ITGA9: variants seen among roughly 807,000 people sequenced by gnomAD.
The protein encoded by ITGA9 is integrin subunit alpha 9, also known as integrin alpha-9.
Under a neutral mutation model 127.8 loss-of-function variants are expected in ITGA9, and 56 were observed. The observed-to-expected ratio is 0.44, with a 90% CI of 0.35 to 0.55. The LOEUF (loss-of-function observed/expected upper bound fraction) is 0.55, where lower values mean the gene tolerates loss of function less well. Ranked by LOEUF, ITGA9 falls within the 20% of genes least tolerant of loss-of-function variation. The probability of loss-of-function intolerance (pLI) is 0.00; values close to 1 mark genes in which losing one functional copy is unlikely to be tolerated. For missense variants in ITGA9, 1,196 were observed against 1,347.1 expected (o/e 0.89, Z 1.76); for synonymous variants, 508 against 514.5 (o/e 0.99, Z 0.17).
At chr3:37,676,939 G>A (rs1193785804) in intron 17 of ITGA9, among the ~76,000 whole-genome samples, 1 of 152,094 alleles carries the variant, frequency 6.6e-6, no homozygotes, top group Non-Finnish European at 1.5e-5. Flanking sequence ...CCATCAATAG[G>A]CAGAGCATTT....
intron 15 of ITGA9, among the ~76,000 whole-genome samples, chr3:37,562,165 T>C (rs1303423991): frequency 2.0e-5 from 3 of 152,168 alleles, no homozygotes; most frequent in Non-Finnish European, 4.4e-5. Flanking sequence ...CTCTGCTGTG[T>C]CCGGCAGCCC....
intron 15 of ITGA9, among the ~76,000 whole-genome samples, chr3:37,618,810 A>G (rs1424032466): frequency 1.3e-5 from 2 of 152,218 alleles, no homozygotes; most frequent in Non-Finnish European, 2.9e-5. Flanking sequence ...GACTGTTGGA[A>G]AAGCGCAGTA....
chr3:37,546,201 C>T (rs967042608), intron 15 of ITGA9, among the ~76,000 whole-genome samples: 5 of 152,090 alleles, frequency 3.3e-5, no homozygotes, highest in Non-Finnish European at 7.4e-5. Flanking sequence ...CAACAGTGTC[C>T]TAGAATTCTA....
intron 15 of ITGA9, among the ~76,000 whole-genome samples, chr3:37,585,340 A>G (rs903066574): frequency 8.5e-5 from 13 of 152,138 alleles, no homozygotes; most frequent in African/African-American, 3.1e-4. Flanking sequence ...CCTCTACATC[A>G]CTAAATGGTC....
intron 18 of ITGA9, among the ~76,000 whole-genome samples, chr3:37,714,113 G>T (rs1282960413): frequency 6.6e-6 from 1 of 152,194 alleles, no homozygotes; most frequent in Non-Finnish European, 1.5e-5. Flanking sequence ...AACTGGGTTG[G>T]AATCCCAGTT....
intron 2 of ITGA9, 89 bp downstream of exon 2, chr3:37,471,223 C>T (rs1368419886): frequency 2.1e-6 from 3 of 1,433,134 alleles, no homozygotes; most frequent in Non-Finnish European, 2.9e-6. Flanking sequence ...ATCATTCACT[C>T]ACCCATCCAT....
At chr3:37,600,244 A>G (rs1360248654) in intron 15 of ITGA9, among the ~76,000 whole-genome samples, 2 of 152,194 alleles carry the variant, frequency 1.3e-5, no homozygotes, top group Admixed American at 1.3e-4. Context: ...GATACAGAGG[A>G]ATAAGGAATT....
intron 18 of ITGA9, among the ~76,000 whole-genome samples, chr3:37,719,463 C>T (rs552109408): frequency 6.6e-6 from 1 of 152,300 alleles, no homozygotes; most frequent in Admixed American, 6.5e-5. Flanking sequence ...CTGCCCCTGG[C>T]CTCTGTTCTC....
intron 17 of ITGA9, among the ~76,000 whole-genome samples, chr3:37,654,347 G>A (rs1048394862): frequency 6.6e-5 from 10 of 152,060 alleles, no homozygotes; most frequent in African/African-American, 2.4e-4. Context: ...GTTTCCTCCC[G>A]CACTGCATGA....
intron 16 of ITGA9, among the ~76,000 whole-genome samples, chr3:37,633,171 A>G (rs558689512): frequency 6.6e-6 from 1 of 152,370 alleles, no homozygotes; most frequent in East Asian, 1.9e-4. Flanking sequence ...CAATAGAATG[A>G]TGAGCAAGTG....
In ITGA9 at chr3:37,519,248, T is replaced by G. The variant is rs1483821792; in HGVS notation, c.1142-12T>G. 1 of 1,611,766 alleles carries G rather than the reference T, an allele frequency of 6.2e-7. No individual in the cohort carries two copies. The highest frequency in any genetic ancestry group is 8.5e-7 in the Non-Finnish European group (1 of 1,178,104). The stretch of plus-strand genomic sequence containing the variant: ...GTGGCTTTTTAACCCATAGCTGTTT[T>G]TTTACCCTCAGATGTGGCCATTGGT... On this transcript the variant is annotated splice_polypyrimidine_tract_variant and intron_variant, in intron 10 of 27. Transcript: ENST00000264741.
intron 17 of ITGA9, among the ~76,000 whole-genome samples, chr3:37,658,941 A>G (rs981763602): frequency 4.6e-5 from 7 of 152,176 alleles, no homozygotes; most frequent in African/African-American, 1.7e-4. Context: ...TCGCTTATGA[A>G]GCTTAGTTTG....
In ITGA9 at chr3:37,820,647, G is replaced by A. The variant is rs1697502763; in HGVS notation, c.*1658G>A. ...ATGCTCAGCACTGACCTGGCCCATA[G>A]TGATCACTCAATAACTGTTAACAGC... On this transcript the variant is annotated 3_prime_UTR_variant, in exon 28 of 28. Coordinates refer to ENST00000264741, the MANE Select transcript of ITGA9 (RefSeq NM_002207.3). 6.6e-6 allele frequency: 1 copy of A among 152,242 alleles called. No individual in the cohort carries two copies. The allele number at this position is 152,242 out of a possible 1,614,324, so 9.4% of individuals were successfully genotyped here.
At chr3:37,734,496 TTTTG>T (rs1696334683) in intron 19 of ITGA9, among the ~76,000 whole-genome samples, 1 of 152,144 alleles carries the variant, frequency 6.6e-6, no homozygotes, top group Non-Finnish European at 1.5e-5. Flanking sequence ...TTTGTCAAAT[TTTTG>T]TTTGTTTGAG....
chr3:37,687,707 T>C (rs532400565), intron 18 of ITGA9, among the ~76,000 whole-genome samples: 1 of 152,338 alleles, frequency 6.6e-6, no homozygotes, highest in East Asian at 1.9e-4. Context: ...AATTTTAAAT[T>C]CAACACACAG....
intron 17 of ITGA9, among the ~76,000 whole-genome samples, chr3:37,674,005 C>A (rs529037091): frequency 3.3e-5 from 5 of 152,320 alleles, no homozygotes; most frequent in African/African-American, 7.2e-5. Context: ...ATGGCCTTAG[C>A]CTTCATAATA....
chr3:37,708,131 T>A (rs1167866060), intron 18 of ITGA9, among the ~76,000 whole-genome samples: 1 of 152,202 alleles, frequency 6.6e-6, no homozygotes, highest in Non-Finnish European at 1.5e-5. Flanking sequence ...GCTCGGCTGT[T>A]CTTGGCCAAC....
intron 15 of ITGA9, among the ~76,000 whole-genome samples, chr3:37,571,998 C>G (rs1699606523): frequency 6.6e-6 from 1 of 151,916 alleles, no homozygotes; most frequent in South Asian, 2.1e-4. Flanking sequence ...TAGTGGGGAT[C>G]ATGGGGATTT....
chr3:37,635,126 T>G (rs562851297), intron 16 of ITGA9, among the ~76,000 whole-genome samples: 15 of 152,314 alleles, frequency 9.8e-5, no homozygotes, highest in African/African-American at 3.6e-4. Flanking sequence ...AGAAGAATGT[T>G]GATCCTAGAA....
Sources: allele counts gnomAD v4.1 joint callset (sites outside exome capture counted in the v4.1 genomes callset), GRCh38; gene constraint gnomAD v4.1.1; transcripts MANE v1.5; gene names NCBI Gene and HGNC (gene_info 2026-07-23, HGNC 2026-07-21).